Variants in G6PC3 observed in about 807,000 individuals in gnomAD.
G6PC3 encodes the protein glucose-6-phosphatase 3.
In G6PC3, 30 loss-of-function variants were observed where a neutral mutation model predicts 38.6. The ratio of observed to expected loss-of-function variants is 0.78; its 90% CI spans 0.58 to 1.05. The LOEUF (loss-of-function observed/expected upper bound fraction) is 1.05. Ranked by LOEUF, G6PC3 falls within the 50% of genes least tolerant of loss-of-function variation. G6PC3 has a pLI of 0.00. For missense variants in G6PC3, 377 were observed against 443.1 expected, an observed-to-expected ratio of 0.85 and a Z score of 1.34; for synonymous variants, 192 against 178.1, an observed-to-expected ratio of 1.08 and a Z score of -0.62.
intron 1 of G6PC3, chr17:44,072,627 C>CTTTTTTTTTT (rs57662252): frequency 7.8e-6 from 1 of 127,478 alleles, no homozygotes. Flanking sequence ...ACCTGGCATT[C>CTTTTTTTTTT]TTTTTTTTTT....
At chr17:44,071,210 C>CT (rs1567967756) in intron 1 of G6PC3, 27 bp downstream of exon 1, 3 of 1,605,766 alleles carry the variant, frequency 1.9e-6, no homozygotes, top group Non-Finnish European at 2.5e-6. Context: ...CTCCGGCATC[C>CT]TGGTCCCCAC....
rs2050095259 is a variant in G6PC3, at chr17:44,075,891, C to T, written c.889C>T (p.Leu297=). The part of the protein sequence containing the change: ...LVLAMGLLGP[L]DWLGHPPQIS... ...GCTGGCCATGGGGCTGCTGGGCCCC[C>T]TGGACTGGCTGGGCCACCCCCCTCA... The change falls in exon 6 of 6, where the codon CTG becomes TTG. Residue 297 remains leucine, a synonymous_variant. Coordinates refer to ENST00000269097, the MANE Select transcript of G6PC3 (RefSeq NM_138387.4). 1 of 1,612,768 alleles carries T rather than the reference C, an allele frequency of 6.2e-7. No homozygotes were observed. Among genetic ancestry groups the T allele is most frequent in the Non-Finnish European group, 8.5e-7 (1 of 1,180,002 alleles).
chr17:44,076,039 C>T lies in G6PC3; in HGVS notation c.1037C>T (p.Ser346Phe), dbSNP rs1448176423. ...SAQEAPPIHS[S>F] ...CAGGAAGCACCGCCCATCCACTCTT[C>T]CTGACTTCTTGTGTGCCTCCCTTTC... Residue 346 changes from serine (S) to phenylalanine (F), a missense_variant, in exon 6 of 6, where the codon TCC (serine) becomes TTC (phenylalanine). By Grantham distance (155) the Ser-to-Phe change is radical. Transcript: ENST00000269097. The T allele has an allele frequency of 1.9e-6, 3 of 1,612,610 alleles. No homozygotes were observed. Among genetic ancestry groups the T allele is most frequent in the Non-Finnish European group, 2.5e-6 (3 of 1,180,026 alleles).
chr17:44,072,186 T>G (rs2049992493), intron 1 of G6PC3: 1 of 164,838 alleles, frequency 6.1e-6, no homozygotes, highest in Admixed American at 5.9e-5. Context: ...CTTGCCTAAT[T>G]GCCCTTTGCT....
At chr17:44,074,095 C>A in intron 1 of G6PC3, 65 bp from the exon 2 acceptor site, 1 of 1,128,294 alleles carries the variant, frequency 8.9e-7, no homozygotes, top group Non-Finnish European at 1.4e-6. Flanking sequence ...TGTGTCCTGC[C>A]CGCCTTGTAC....
intron 1 of G6PC3, chr17:44,072,325 C>CTTTTTTTTT (rs34884597): frequency 2.0e-5 from 2 of 98,890 alleles, no homozygotes; most frequent in African/African-American, 3.5e-5. Context: ...TTCATTTTCT[C>CTTTTTTTTT]TTTTTTTTTT....
At chr17:44,074,551 G>A (rs979895978) in intron 2 of G6PC3, 129 bp from the exon 3 acceptor site, 6 of 808,492 alleles carry the variant, frequency 7.4e-6, no homozygotes, top group Middle Eastern at 2.6e-4. Flanking sequence ...AGAGCAGAGC[G>A]AGTTATGAAT....
At position 44,075,671 on chromosome 17, in the gene G6PC3, T is replaced by C. The variant is rs934590407; in HGVS notation, c.678-9T>C. 1.2e-6 allele frequency: 2 copies of C among 1,610,050 alleles called. No homozygotes were observed. The highest frequency in any genetic ancestry group is 1.7e-6 in the Non-Finnish European group (2 of 1,179,970). ...AGCCTCTCCTGGCAAGAACTCTTCT[T>C]CCCCACAGGTCCATCAGCCTAGCCT... is the stretch of plus-strand genomic sequence containing the variant. On this transcript the variant is annotated splice_polypyrimidine_tract_variant and intron_variant, in intron 5 of 5. Coordinates refer to ENST00000269097, the MANE Select transcript of G6PC3 (RefSeq NM_138387.4).
chr17:44,071,065 G>T lies in G6PC3; in HGVS notation c.100G>T (p.Asp34Tyr), dbSNP rs1283575875. 8.1e-6 allele frequency: 13 copies of T among 1,611,094 alleles called. No individual in the cohort carries two copies. The highest frequency in any genetic ancestry group is 1.1e-5 in the Non-Finnish European group (13 of 1,178,690). Residue 34 changes from aspartate (D) to tyrosine (Y), a missense_variant, in exon 1 of 6, where the codon GAT (aspartate) becomes TAT (tyrosine). Asp to Tyr is a radical substitution (Grantham distance 160). Coordinates refer to ENST00000269097, the MANE Select transcript of G6PC3 (RefSeq NM_138387.4). ...GTGGCTCTGGATCACCTTTCTGGGC[G>T]ATCCCAAGATCCTCTTTCTGTTCTA... ...NVWLWITFLG[D>Y]PKILFLFYFP...
chr17:44,071,208 T>A (rs1302874591), intron 1 of G6PC3, 25 bp downstream of exon 1: 1 of 1,607,298 alleles, frequency 6.2e-7, no homozygotes, highest in East Asian at 2.2e-5. Context: ...CCCTCCGGCA[T>A]CCTGGTCCCC....
In G6PC3 at chr17:44,076,295, A is replaced by C. The variant is rs529901904; in HGVS notation, c.*252A>C. On this transcript the variant is annotated 3_prime_UTR_variant, in exon 6 of 6. Coordinates refer to ENST00000269097, the MANE Select transcript of G6PC3 (RefSeq NM_138387.4). ...AGCAAGACCAGCGGGTTCTTGCAAC[A>C]CTGTGAGGGGCAGCCAGGGCGGCCC... The C allele has an allele frequency of 1.2e-5, 8 of 685,910 alleles. No individual in the cohort carries two copies. The African/African-American group carries it at 1.2e-4, about 11-fold the overall frequency. The allele number at this position is 685,910 out of a possible 1,614,324, so 42.5% of individuals were successfully genotyped here.
At position 44,075,871 on chromosome 17, in the gene G6PC3, C is replaced by T. The variant is rs1481555523; in HGVS notation, c.869C>T (p.Ala290Val). ...CAGAAGATAGCCTGCCTTGTGCTGG[C>T]CATGGGGCTGCTGGGCCCCCTGGAC... ...NGQKIACLVL[A>V]MGLLGPLDWL... The change falls in exon 6 of 6, where the codon GCC becomes GTC. Residue 290 changes from alanine (A) to valine (V), a missense_variant. Physicochemically the swap from Ala to Val is moderately conservative, Grantham distance 64. Transcript: ENST00000269097. The T allele has an allele frequency of 3.7e-6, 6 of 1,612,484 alleles. No individual in the cohort carries two copies. The African/African-American group carries it at 6.7e-5, about 18-fold the overall frequency.
In G6PC3 at chr17:44,070,904, G is replaced by T; in HGVS notation, c.-62G>T. ...GAGATCAGAGGGTCGACGCTGCTTC[G>T]TTGCCTGGACTCTGGTTTCCGCCCT... On this transcript the variant is annotated 5_prime_UTR_variant, in exon 1 of 6. Transcript: ENST00000269097. The T allele has an allele frequency of 6.5e-7, 1 of 1,533,032 alleles. No homozygotes were observed. The highest frequency in any genetic ancestry group is 1.4e-5 in the African/African-American group (1 of 72,982). 95.0% of individuals were successfully genotyped at this position (1,533,032 alleles called of 1,614,324 possible). A position where few individuals can be genotyped will look rare whatever the true frequency, so the allele number is the denominator to read the frequency against.
At position 44,075,297 on chromosome 17, in the gene G6PC3, T is replaced by C; in HGVS notation, c.536-13T>C. On this transcript the variant is annotated splice_polypyrimidine_tract_variant and intron_variant, in intron 4 of 5. Coordinates refer to ENST00000269097, the MANE Select transcript of G6PC3 (RefSeq NM_138387.4). Reference sequence around the variant, plus strand: ...CCAGACTCCTTGAAGCTGTTGTCACTCCACTCTCCTAGGCGCTGTCCTGGG... The same window carrying C: ...CCAGACTCCTTGAAGCTGTTGTCACCCCACTCTCCTAGGCGCTGTCCTGGG... 2 of 1,614,020 alleles carry C rather than the reference T, an allele frequency of 1.2e-6. No individual in the cohort carries two copies. Among genetic ancestry groups the C allele is most frequent in the Non-Finnish European group, 1.7e-6 (2 of 1,179,980 alleles).
Position 44,070,795 on chromosome 17 carries a change from T to C in G6PC3, c.-171T>C, listed in dbSNP as rs1212583168. ...AACAGTACCGGCTGGAGGCCGGTCT[T>C]GCAGGAGCGGGGGACTGCTGGGGGC... On this transcript the variant is annotated 5_prime_UTR_variant, in exon 1 of 6. Coordinates refer to ENST00000269097, the MANE Select transcript of G6PC3 (RefSeq NM_138387.4). 1.2e-5 allele frequency: 9 copies of C among 730,780 alleles called. No homozygotes were observed. Among genetic ancestry groups the C allele is most frequent in the East Asian group, 5.4e-5 (2 of 37,146 alleles). The allele number at this position is 730,780 out of a possible 1,614,324, so 45.3% of individuals were successfully genotyped here.
At position 44,075,885 on chromosome 17, in the gene G6PC3, G is replaced by T. The variant is rs202238577; in HGVS notation, c.883G>T (p.Gly295Cys). The T allele has an allele frequency of 2.1e-5, 34 of 1,612,794 alleles. No homozygotes were observed. In the East Asian group the frequency reaches 7.6e-4, roughly 36 times the overall value. The change falls in exon 6 of 6, where the codon GGC becomes TGC. Residue 295 changes from glycine (G) to cysteine (C), a missense_variant. Physicochemically the swap from Gly to Cys is radical, Grantham distance 159 (BLOSUM62 -3). Transcript: ENST00000269097. Reference sequence around the variant, plus strand: ...CCTTGTGCTGGCCATGGGGCTGCTGGGCCCCCTGGACTGGCTGGGCCACCC... The same window carrying T: ...CCTTGTGCTGGCCATGGGGCTGCTGTGCCCCCTGGACTGGCTGGGCCACCC... ...ACLVLAMGLLGPLDWLGHPPQ... is the reference protein window; with the variant it reads ...ACLVLAMGLLCPLDWLGHPPQ...
At position 44,075,774 on chromosome 17, in the gene G6PC3, G is replaced by A; in HGVS notation, c.772G>A (p.Ala258Thr). The change falls in exon 6 of 6, where the codon GCC becomes ACC. Residue 258 changes from alanine to threonine, a missense_variant. Physicochemically the swap from Ala to Thr is moderately conservative, Grantham distance 58. Coordinates refer to ENST00000269097, the MANE Select transcript of G6PC3 (RefSeq NM_138387.4). ...CTCCCTGAGCCGTGACTCAGGGGCT[G>A]CCCTGGGCCTGGGCATTGCCTTGCA... ...FASLSRDSGA[A>T]LGLGIALHSP... The A allele has an allele frequency of 6.2e-7, 1 of 1,612,232 alleles. No individual in the cohort carries two copies.
At position 44,071,033 on chromosome 17, in the gene G6PC3, A is replaced by G; in HGVS notation, c.68A>G (p.Glu23Gly). ...EALQNQLAWLENVWLWITFLG... is the reference protein window; with the variant it reads ...EALQNQLAWLGNVWLWITFLG... Reference sequence around the variant, plus strand: ...CTACAGAACCAGCTAGCCTGGCTGGAGAACGTGTGGCTCTGGATCACCTTT... The same window carrying G: ...CTACAGAACCAGCTAGCCTGGCTGGGGAACGTGTGGCTCTGGATCACCTTT... Residue 23 changes from glutamate (E) to glycine (G), a missense_variant, in exon 1 of 6, where the codon GAG becomes GGG. Glu to Gly is a moderately conservative substitution (Grantham distance 98). Transcript: ENST00000269097. 1 of 1,592,114 alleles carries G rather than the reference A, an allele frequency of 6.3e-7. No individual in the cohort carries two copies. The highest frequency in any genetic ancestry group is 1.8e-5 in the Admixed American group (1 of 56,924).
At chr17:44,071,412 T>C (rs1189778915) in intron 1 of G6PC3, 1 of 726,642 alleles carries the variant, frequency 1.4e-6, no homozygotes, top group Non-Finnish European at 2.2e-6. Context: ...GATGGAAAAA[T>C]CACCTAAGGG....
Sources: allele counts gnomAD v4.1 joint callset, GRCh38; gene constraint gnomAD v4.1.1; transcripts MANE v1.5; gene names NCBI Gene and HGNC (gene_info 2026-07-23, HGNC 2026-07-21).